The following ZRANB3 variants were observed in gnomAD, a reference collection of about 807,000 sequenced individuals.
The protein encoded by ZRANB3 is zinc finger RANBP2-type containing 3, also known as DNA annealing helicase and endonuclease ZRANB3.
In ZRANB3, 125 loss-of-function variants were observed where a neutral mutation model predicts 133.8. The ratio of observed to expected loss-of-function variants is 0.93; its 90% CI spans 0.81 to 1.08. The LOEUF is 1.08. ZRANB3 is among the 50% of genes least tolerant of loss of function. The pLI is 0.00. For synonymous variants in ZRANB3, 387 were observed against 432.7 expected, an observed-to-expected ratio of 0.89 and a Z score of 1.31; for missense variants, 1,229 against 1,275.5, an observed-to-expected ratio of 0.96 and a Z score of 0.56.
intron 1 of ZRANB3, among the ~76,000 whole-genome samples, chr2:135,518,668 C>T (rs59537359): frequency 0.11 from 15,985 of 152,192 alleles, 1,108 homozygotes; most frequent in South Asian, 0.32. Context: ...GAGTTGATCT[C>T]GCTGGGAGCT....
rs1267806953 is a variant in ZRANB3, at chr2:135,230,758, T to C, written c.1709A>G (p.Asp570Gly). The change falls in exon 13 of 21, where the codon GAT becomes GGT. Residue 570 changes from aspartate to glycine, a missense_variant. Transcript: ENST00000264159. ...AARDIIDYES[D>G]VEPETKRLKL... ...CAATCTTTTCGTTTCAGGTTCAACA[T>C]CACTTTCATAATCGATGATATCTCT... is the stretch of plus-strand genomic sequence containing the variant. The C allele has an allele frequency of 1.2e-6, 2 of 1,613,738 alleles. No homozygotes were observed. Among genetic ancestry groups the C allele is most frequent in the African/African-American group, 1.3e-5 (1 of 74,922 alleles).
chr2:135,416,290 C>T (rs1227863512), intron 2 of ZRANB3, among the ~76,000 whole-genome samples: 9 of 152,206 alleles, frequency 5.9e-5, no homozygotes, highest in Middle Eastern at 3.4e-3. Context: ...GTGCAAAAAT[C>T]ACAAGCATTC....
chr2:135,503,889 A>T (rs903086443), intron 2 of ZRANB3, among the ~76,000 whole-genome samples: 11 of 152,052 alleles, frequency 7.2e-5, no homozygotes, highest in Admixed American at 2.0e-4. Flanking sequence ...AAGATTGCTT[A>T]AAACCAAGAG....
At chr2:135,271,320 G>A (rs756644492) in intron 10 of ZRANB3, 1 of 471,310 alleles carries the variant, frequency 2.1e-6, no homozygotes, top group Non-Finnish European at 4.4e-6. Flanking sequence ...TAATCCTAAG[G>A]GACAAAACAG....
chr2:135,338,680 A>G (rs533325680), intron 6 of ZRANB3, among the ~76,000 whole-genome samples: 372 of 152,380 alleles, frequency 2.4e-3, no homozygotes, highest in Non-Finnish European at 3.4e-3. Context: ...AAGATTACAC[A>G]GTATTCCACT....
At chr2:135,390,924 G>C in intron 2 of ZRANB3, 104 bp from the exon 3 acceptor site, 3 of 1,209,576 alleles carry the variant, frequency 2.5e-6, no homozygotes, top group South Asian at 3.4e-5. Flanking sequence ...GCAGTGGTGC[G>C]ATCTCAGCTC....
In ZRANB3 at chr2:135,393,361, G is replaced by A. The variant is rs571841338; in HGVS notation, c.162-2541C>T. On this transcript the variant is annotated intron_variant, in intron 2 of 20. Coordinates refer to ENST00000264159, the MANE Select transcript of ZRANB3 (RefSeq NM_032143.4). Reference sequence around the variant, plus strand: ...AGATTTCAAAGCAAAACGAGAACATGAACTTTTTTTTTTTAAGATGATCAT... The same window carrying A: ...AGATTTCAAAGCAAAACGAGAACATAAACTTTTTTTTTTTAAGATGATCAT... 4.0e-5 allele frequency among the ~76,000 whole-genome samples: 6 copies of A among 151,580 alleles called. No homozygotes were observed. The East Asian group carries it at 9.7e-4, about 24-fold the overall frequency.
rs777524112 is a variant in ZRANB3 at position 135,350,147 on chromosome 2, A to G, written c.428T>C (p.Ile143Thr). ...GLLTADAKTL[I>T]DALNNQNFKV... is the part of the protein sequence containing the mutation. Reference sequence around the variant, plus strand: ...GAAGTTCTGATTATTCAGTGCATCTATCAAAGTCTTTGCATCTGCGGTTAA... The same window carrying G: ...GAAGTTCTGATTATTCAGTGCATCTGTCAAAGTCTTTGCATCTGCGGTTAA... The change falls in exon 5 of 21, where the codon ATA becomes ACA. Residue 143 changes from isoleucine (I) to threonine (T), a missense_variant. By Grantham distance (89) the Ile-to-Thr change is moderately conservative. Coordinates refer to ENST00000264159, the MANE Select transcript of ZRANB3 (RefSeq NM_032143.4). 5.6e-6 allele frequency: 9 copies of G among 1,613,182 alleles called. No individual in the cohort carries two copies. Among genetic ancestry groups the G allele is most frequent in the Non-Finnish European group, 7.6e-6 (9 of 1,179,568 alleles).
intron 2 of ZRANB3, among the ~76,000 whole-genome samples, chr2:135,463,281 A>G (rs1278707481): frequency 6.6e-6 from 1 of 152,198 alleles, no homozygotes; most frequent in African/African-American, 2.4e-5. Flanking sequence ...ATAGGCACAT[A>G]AAGATTCATT....
At chr2:135,481,817 T>A (rs1342956957) in intron 2 of ZRANB3, among the ~76,000 whole-genome samples, 1 of 151,312 alleles carries the variant, frequency 6.6e-6, no homozygotes, top group Non-Finnish European at 1.5e-5. Context: ...GGGATCCAGT[T>A]TCAGCTTTCT....
At chr2:135,502,185 A>C (rs1360537180) in intron 2 of ZRANB3, among the ~76,000 whole-genome samples, 2 of 152,146 alleles carry the variant, frequency 1.3e-5, no homozygotes, top group Non-Finnish European at 2.9e-5. Flanking sequence ...TCCATTTGCC[A>C]AAAAACATAA....
intron 2 of ZRANB3, among the ~76,000 whole-genome samples, chr2:135,479,351 T>C (rs1691653712): frequency 6.6e-6 from 1 of 152,178 alleles, no homozygotes; most frequent in African/African-American, 2.4e-5. Context: ...AGTACACCTA[T>C]TGGCCAGGCA....
chr2:135,218,964 C>T (rs1323184136), intron 16 of ZRANB3, 113 bp downstream of exon 16: 1 of 702,916 alleles, frequency 1.4e-6, no homozygotes, highest in Non-Finnish European at 2.2e-6. Flanking sequence ...TGATTTGACT[C>T]TACAACATGC....
chr2:135,299,044 G>A (rs994802220), intron 8 of ZRANB3, among the ~76,000 whole-genome samples: 6 of 152,102 alleles, frequency 3.9e-5, no homozygotes, highest in South Asian at 2.1e-4. Context: ...CCACTTTCTC[G>A]GGCGATGGAC....
chr2:135,445,016 G>A (rs1443047721), intron 2 of ZRANB3, among the ~76,000 whole-genome samples: 1 of 152,052 alleles, frequency 6.6e-6, no homozygotes, highest in African/African-American at 2.4e-5. Context: ...AACAACAATA[G>A]GACCTGAAAA....
chr2:135,267,860 C>T (rs750258514), intron 11 of ZRANB3, among the ~76,000 whole-genome samples: 2 of 152,054 alleles, frequency 1.3e-5, no homozygotes, highest in African/African-American at 2.4e-5. Context: ...TGATGGTGTT[C>T]GGAGGTGGGG....
chr2:135,390,951 C>T (rs1258470475), intron 2 of ZRANB3, 131 bp from the exon 3 acceptor site: 1 of 932,024 alleles, frequency 1.1e-6, no homozygotes, highest in Non-Finnish European at 1.5e-6. Flanking sequence ...ACCTCTGTCT[C>T]CCAGGTCCAA....
intron 6 of ZRANB3, among the ~76,000 whole-genome samples, chr2:135,321,648 AT>A (rs1234071536): frequency 6.6e-6 from 1 of 151,480 alleles, no homozygotes; most frequent in Non-Finnish European, 1.5e-5. Flanking sequence ...TAATTTTTGT[AT>A]TTTTTTATTT....
intron 2 of ZRANB3, among the ~76,000 whole-genome samples, chr2:135,449,007 G>T (rs567652629): frequency 6.6e-6 from 1 of 152,284 alleles, no homozygotes; most frequent in East Asian, 1.9e-4. Context: ...CTAGTACATT[G>T]TAATACTAGG....
Sources: allele counts gnomAD v4.1 joint callset (sites outside exome capture counted in the v4.1 genomes callset), GRCh38; gene constraint gnomAD v4.1.1; transcripts MANE v1.5; gene names NCBI Gene and HGNC (gene_info 2026-07-23, HGNC 2026-07-21).